LTBP2: variants seen among roughly 807,000 people sequenced by gnomAD.
LTBP2 encodes latent-transforming growth factor beta-binding protein 2.
In LTBP2, 103 loss-of-function variants were observed where a neutral mutation model predicts 210.6. The observed-to-expected ratio is 0.49, with a 90% confidence interval of 0.42 to 0.58. The LOEUF is 0.58. LTBP2 is among the 20% of genes least tolerant of loss of function. The probability of loss-of-function intolerance (pLI) is 0.00; values close to 1 mark genes in which losing one functional copy is unlikely to be tolerated. For missense variants in LTBP2, 2,313 were observed against 2,494.5 expected (o/e 0.93, Z 1.55); for synonymous variants, 1,007 against 1,015.0 (o/e 0.99, Z 0.15).
Position 74,500,932 on chromosome 14 carries a change from C to G in LTBP2, c.5418G>C (p.Pro1806=), listed in dbSNP as rs773246040. 3.1e-6 allele frequency: 5 copies of G among 1,614,176 alleles called. No homozygotes were observed. The Admixed American group carries it at 8.3e-5, about 27-fold the overall frequency. ...TEGSYRCHCS[P]GYVAEAGPPH... Reference sequence around the variant, plus strand: ...GGGGCCCTGCCTCAGCCACATATCCCGGGGAGCAGTGGCAGCGGTAGGAGC... The same window carrying G: ...GGGGCCCTGCCTCAGCCACATATCCGGGGGAGCAGTGGCAGCGGTAGGAGC... The change falls in exon 36 of 36, where the codon CCG becomes CCC. Residue 1806 remains proline (P), a synonymous_variant. Transcript: ENST00000261978.
At chr14:74,548,548 G>A (rs750315849) in intron 8 of LTBP2, among the ~76,000 whole-genome samples, 15 of 152,262 alleles carry the variant, frequency 9.9e-5, no homozygotes, top group Middle Eastern at 3.4e-3. Context: ...AGGGTTCAAC[G>A]CCTGATAGGA....
chr14:74,517,521 C>T (rs2087151935), intron 17 of LTBP2, among the ~76,000 whole-genome samples: 1 of 152,160 alleles, frequency 6.6e-6, no homozygotes, highest in East Asian at 1.9e-4. Flanking sequence ...CAGGTGCCCG[C>T]TACCACACCC....
chr14:74,573,165 C>T (rs1052411272), intron 3 of LTBP2, among the ~76,000 whole-genome samples: 20 of 152,216 alleles, frequency 1.3e-4, no homozygotes, highest in African/African-American at 4.8e-4. Context: ...CACTTGCCTA[C>T]GCTCACATGC....
chr14:74,519,868 G>A (rs995661430), intron 17 of LTBP2, among the ~76,000 whole-genome samples: 7 of 152,298 alleles, frequency 4.6e-5, no homozygotes, highest in Admixed American at 2.0e-4. Context: ...AGTGCCTCTG[G>A]CCCACAACAC....
intron 22 of LTBP2, 113 bp downstream of exon 22, chr14:74,509,125 G>A (rs1249020641): frequency 1.3e-5 from 20 of 1,579,898 alleles, no homozygotes; most frequent in Non-Finnish European, 1.6e-5. Context: ...CTCTTGGGGA[G>A]CGGGATGATG....
chr14:74,501,934 G>A (rs1206288473), intron 34 of LTBP2: 1 of 395,358 alleles, frequency 2.5e-6, no homozygotes, highest in Non-Finnish European at 4.7e-6. Flanking sequence ...TGGGGAAGGG[G>A]TGAGGTGTTT....
intron 3 of LTBP2, 55 bp downstream of exon 3, chr14:74,585,799 C>T: frequency 2.5e-6 from 4 of 1,613,336 alleles, no homozygotes; most frequent in Non-Finnish European, 3.4e-6. Context: ...GGAAGAAGCC[C>T]CTCCAAAAAG....
chr14:74,554,661 T>C (rs1429576586), intron 4 of LTBP2, among the ~76,000 whole-genome samples: 2 of 151,952 alleles, frequency 1.3e-5, no homozygotes, highest in Non-Finnish European at 2.9e-5. Context: ...GGAGGGGAGA[T>C]AAGGAGTGAC....
chr14:74,504,499 G>A (rs2086957595), intron 30 of LTBP2, among the ~76,000 whole-genome samples: 1 of 152,224 alleles, frequency 6.6e-6, no homozygotes, highest in African/African-American at 2.4e-5. Context: ...GCCCACATGT[G>A]GCTGTGGGTG....
intron 3 of LTBP2, among the ~76,000 whole-genome samples, chr14:74,565,998 G>A (rs984255627): frequency 6.6e-6 from 1 of 152,048 alleles, no homozygotes; most frequent in Non-Finnish European, 1.5e-5. Flanking sequence ...ACGGAAAAAT[G>A]TGGCAACAGC....
intron 19 of LTBP2, among the ~76,000 whole-genome samples, 195 bp downstream of exon 19, chr14:74,511,050 C>T (rs2087064833): frequency 6.6e-6 from 1 of 152,226 alleles, no homozygotes; most frequent in Admixed American, 6.5e-5. Context: ...AGAAAAGGGC[C>T]CCACCCTAGC....
chr14:74,553,153 G>T, intron 4 of LTBP2, 91 bp from the exon 5 acceptor site: 1 of 1,274,612 alleles, frequency 7.8e-7, no homozygotes, highest in Non-Finnish European at 1.1e-6. Flanking sequence ...TGGGACTAGG[G>T]CTGCATTCAT....
At chr14:74,509,520 C>A (rs767603756) in intron 21 of LTBP2, among the ~76,000 whole-genome samples, 157 bp from the exon 22 acceptor site, 1 of 152,194 alleles carries the variant, frequency 6.6e-6, no homozygotes, top group Non-Finnish European at 1.5e-5. Context: ...CAGCTTCCCT[C>A]TTCTCTGGGA....
chr14:74,518,119 C>T lies in LTBP2; in HGVS notation c.2789-1178G>A, dbSNP rs189539579. Among the ~76,000 whole-genome samples, 3 of 152,296 alleles carry T rather than the reference C, an allele frequency of 2.0e-5. 1 individual carries two copies. The highest frequency in any genetic ancestry group is 4.1e-4 in the South Asian group (2 of 4,832). ...CTTTGGGTCCTGTGGGTCCCCATCC[C>T]CTGTCCCCACAGTCAAATTAATCAA... On this transcript the variant is annotated intron_variant, in intron 17 of 35. Coordinates refer to ENST00000261978, the MANE Select transcript of LTBP2 (RefSeq NM_000428.3).
At chr14:74,582,519 C>T (rs1426480136) in intron 3 of LTBP2, among the ~76,000 whole-genome samples, 2 of 151,994 alleles carry the variant, frequency 1.3e-5, no homozygotes, top group South Asian at 4.2e-4. Flanking sequence ...TGACAGCTAT[C>T]ATGTATTGAA....
Position 74,612,019 on chromosome 14 carries a change from G to A in LTBP2, c.-75C>T, listed in dbSNP as rs949708118. The A allele has an allele frequency of 1.4e-6, 2 of 1,400,556 alleles. No homozygotes were observed. The highest frequency in any genetic ancestry group is 1.9e-6 in the Non-Finnish European group (2 of 1,079,328). 86.8% of individuals were successfully genotyped at this position (1,400,556 alleles called of 1,614,324 possible). A position where few individuals can be genotyped will look rare whatever the true frequency, so the allele number is the denominator to read the frequency against. On this transcript the variant is annotated 5_prime_UTR_variant, in exon 1 of 36. Transcript: ENST00000261978. ...GTGGTCGGCACGCTGGACGCCCGCGGGCTGTTCTCCCGGCCCCGCCCGGCG... is the reference window on the plus strand; with the variant it reads ...GTGGTCGGCACGCTGGACGCCCGCGAGCTGTTCTCCCGGCCCCGCCCGGCG...
chr14:74,588,605 C>A (rs1171218822), intron 2 of LTBP2, among the ~76,000 whole-genome samples: 1 of 152,122 alleles, frequency 6.6e-6, no homozygotes, highest in African/African-American at 2.4e-5. Context: ...GTCTCTTACA[C>A]CTCTTTGTAA....
intron 3 of LTBP2, among the ~76,000 whole-genome samples, chr14:74,567,155 C>T (rs2087914263): frequency 6.6e-6 from 1 of 152,170 alleles, no homozygotes; most frequent in African/African-American, 2.4e-5. Context: ...GGGCACCCAG[C>T]CCTTGCCTGC....
At chr14:74,529,184 G>A in intron 10 of LTBP2, 62 bp from the exon 11 acceptor site, 1 of 1,535,504 alleles carries the variant, frequency 6.5e-7, no homozygotes, top group Non-Finnish European at 8.8e-7. Flanking sequence ...TGCGCAGCTG[G>A]GAGGGCAGTG....
Sources: allele counts gnomAD v4.1 joint callset (sites outside exome capture counted in the v4.1 genomes callset), GRCh38; gene constraint gnomAD v4.1.1; transcripts MANE v1.5; gene names NCBI Gene and HGNC (gene_info 2026-07-23, HGNC 2026-07-21).